The following ASTN2 variants were observed in gnomAD, a reference collection of about 807,000 sequenced individuals.
ASTN2 encodes astrotactin-2.
In ASTN2, 54 loss-of-function variants were observed where a neutral mutation model predicts 139.8. The ratio of observed to expected loss-of-function variants is 0.39; its 90% CI spans 0.31 to 0.48. The LOEUF (loss-of-function observed/expected upper bound fraction) is 0.48. Among genes scored for constraint, ASTN2 ranks in the 20% least tolerant of loss-of-function variants. ASTN2 has a pLI of 0.95. For synonymous variants in ASTN2, 756 were observed against 719.5 expected (o/e 1.05, Z -0.81); for missense variants, 1,565 against 1,725.1 (o/e 0.91, Z 1.64).
chr9:116,870,757 G>C (rs1446453347), intron 10 of ASTN2, among the ~76,000 whole-genome samples: 2 of 152,156 alleles, frequency 1.3e-5, no homozygotes. Context: ...ATTAGGCAGG[G>C]TGGCTGGGAA....
chr9:117,213,886 A>T (rs1275282183), intron 3 of ASTN2, among the ~76,000 whole-genome samples: 2 of 152,202 alleles, frequency 1.3e-5, no homozygotes, highest in East Asian at 3.9e-4. Context: ...TAAAATGTAC[A>T]GTCTCTTTTA....
chr9:117,300,779 C>T (rs1834857115), intron 1 of ASTN2, among the ~76,000 whole-genome samples: 1 of 152,154 alleles, frequency 6.6e-6, no homozygotes, highest in South Asian at 2.1e-4. Flanking sequence ...CCAAAGCCCT[C>T]TGGCAGCAGC....
intron 16 of ASTN2, among the ~76,000 whole-genome samples, chr9:116,708,088 G>A (rs535350568): frequency 3.4e-4 from 52 of 152,056 alleles, no homozygotes; most frequent in African/African-American, 1.1e-3. Flanking sequence ...CCCCTCCTCC[G>A]TTAGTTAAAA....
intron 1 of ASTN2, among the ~76,000 whole-genome samples, chr9:117,374,948 C>T (rs1830083044): frequency 1.3e-5 from 2 of 152,146 alleles, no homozygotes; most frequent in African/African-American, 4.8e-5. Context: ...GGTTCCCCAC[C>T]CTGTCTTTTT....
At chr9:116,819,405 A>G (rs1346655705) in intron 12 of ASTN2, among the ~76,000 whole-genome samples, 2 of 152,152 alleles carry the variant, frequency 1.3e-5, no homozygotes, top group Non-Finnish European at 2.9e-5. Flanking sequence ...TTGCTGATAC[A>G]TATCTAGGGC....
chr9:117,043,830 C>T (rs1838650751), intron 5 of ASTN2, among the ~76,000 whole-genome samples: 1 of 151,446 alleles, frequency 6.6e-6, no homozygotes, highest in African/African-American at 2.4e-5. Context: ...ATCGCTTGAA[C>T]CCAGGAGGTG....
chr9:117,191,450 C>T (rs1472368996), intron 3 of ASTN2, among the ~76,000 whole-genome samples: 1 of 152,056 alleles, frequency 6.6e-6, no homozygotes, highest in Non-Finnish European at 1.5e-5. Context: ...CAAAAAATTG[C>T]TAATTTATAC....
At chr9:116,697,743 A>G (rs1564214841) in intron 16 of ASTN2, 2 of 1,613,962 alleles carry the variant, frequency 1.2e-6, no homozygotes, top group Non-Finnish European at 1.7e-6. Flanking sequence ...AGGAAGAGCA[A>G]TGGCTGCAGC....
At chr9:116,572,241 C>T (rs532555898) in intron 19 of ASTN2, among the ~76,000 whole-genome samples, 24 of 152,300 alleles carry the variant, frequency 1.6e-4, no homozygotes, top group African/African-American at 3.9e-4. Flanking sequence ...CTGACACCTC[C>T]GCTGCTCTGG....
chr9:116,766,635 G>A (rs959697712), intron 13 of ASTN2, among the ~76,000 whole-genome samples: 6 of 151,064 alleles, frequency 4.0e-5, no homozygotes, highest in South Asian at 2.1e-4. Context: ...TCAGATACCC[G>A]TAAATGCACC....
intron 6 of ASTN2, among the ~76,000 whole-genome samples, chr9:117,030,828 T>C (rs1055575964): frequency 6.6e-6 from 1 of 152,054 alleles, no homozygotes; most frequent in Non-Finnish European, 1.5e-5. Flanking sequence ...AAGTTGGCCA[T>C]TAAGTACAAG....
intron 19 of ASTN2, among the ~76,000 whole-genome samples, chr9:116,505,771 C>A (rs1192010406): frequency 6.6e-6 from 1 of 152,150 alleles, no homozygotes; most frequent in Non-Finnish European, 1.5e-5. Context: ...AGCGCCTTCC[C>A]TCTCCCTTTG....
At chr9:117,010,966 C>T (rs1420971722) in intron 6 of ASTN2, among the ~76,000 whole-genome samples, 2 of 152,058 alleles carry the variant, frequency 1.3e-5, no homozygotes, top group African/African-American at 2.4e-5. Flanking sequence ...AGGCATTTCT[C>T]AAAAAAGGAC....
intron 5 of ASTN2, among the ~76,000 whole-genome samples, chr9:117,093,092 C>G (rs1170083835): frequency 6.6e-6 from 1 of 152,178 alleles, no homozygotes; most frequent in African/African-American, 2.4e-5. Flanking sequence ...CCCATTCACA[C>G]ACAAGTAAGA....
chr9:117,264,391 C>T (rs1431097087), intron 2 of ASTN2, among the ~76,000 whole-genome samples: 1 of 152,194 alleles, frequency 6.6e-6, no homozygotes, highest in Non-Finnish European at 1.5e-5. Flanking sequence ...TGATGTTGGG[C>T]AACTGCATAA....
chr9:117,298,921 G>A (rs1403840345), intron 1 of ASTN2, among the ~76,000 whole-genome samples: 1 of 151,852 alleles, frequency 6.6e-6, no homozygotes, highest in Non-Finnish European at 1.5e-5. Context: ...TGTTTCCAGA[G>A]GACAGAGAGA....
chr9:116,435,098 T>C (rs1377796327), intron 22 of ASTN2, among the ~76,000 whole-genome samples: 2 of 152,200 alleles, frequency 1.3e-5, no homozygotes, highest in Non-Finnish European at 2.9e-5. Flanking sequence ...AGTCAAATGA[T>C]ACTAACAATG....
At chr9:117,407,049 T>G (rs1431960329) in intron 1 of ASTN2, among the ~76,000 whole-genome samples, 4 of 152,120 alleles carry the variant, frequency 2.6e-5, no homozygotes, top group African/African-American at 7.2e-5. Context: ...TTATTGATAG[T>G]GGGCACCAAG....
At chr9:116,651,499 G>T in intron 17 of ASTN2, 29 bp downstream of exon 17, 2 of 1,604,468 alleles carry the variant, frequency 1.2e-6, no homozygotes, top group South Asian at 2.2e-5. Flanking sequence ...GGTCAAGTTT[G>T]ACTGAGTGGC....
Sources: allele counts gnomAD v4.1 joint callset (sites outside exome capture counted in the v4.1 genomes callset), GRCh38; gene constraint gnomAD v4.1.1; transcripts MANE v1.5; gene names NCBI Gene and HGNC (gene_info 2026-07-23, HGNC 2026-07-21).